Variants in GANC observed in about 807,000 individuals in gnomAD.
GANC encodes glucosidase alpha, neutral C.
In GANC, 117 loss-of-function variants were observed where a neutral mutation model predicts 124.2. That is an observed-to-expected ratio of 0.94 (90% CI 0.81 to 1.10). The LOEUF (loss-of-function observed/expected upper bound fraction) is 1.10. GANC is among the 50% of genes least tolerant of loss of function. The probability of loss-of-function intolerance (pLI) is 0.00; values close to 1 mark genes in which losing one functional copy is unlikely to be tolerated. For missense variants in GANC, 1,140 were observed against 1,095.0 expected (o/e 1.04, Z -0.58); for synonymous variants, 377 against 376.8 (o/e 1.00, Z -0.01).
chr15:42,276,344 T>G lies in GANC; in HGVS notation c.30-4T>G, dbSNP rs1327418432. 2 of 1,337,310 alleles carry G rather than the reference T, an allele frequency of 1.5e-6. No individual in the cohort carries two copies. Among genetic ancestry groups the G allele is most frequent in the Middle Eastern group, 1.8e-4 (1 of 5,424 alleles). 82.8% of individuals were successfully genotyped at this position (1,337,310 alleles called of 1,614,324 possible). On this transcript the variant is annotated splice_polypyrimidine_tract_variant and splice_region_variant and intron_variant, in intron 1 of 23. Transcript: ENST00000318010. ...TAAATTTCTCAAAATGTCTTTTTAT[T>G]TAGTCTTGAAGATGAAGCTGTAGAT...
In GANC at chr15:42,333,572, A is replaced by G. The variant is rs370796036; in HGVS notation, c.1741+2900A>G. Among the ~76,000 whole-genome samples the G allele has an allele frequency of 1.5e-4, 23 of 152,318 alleles. No individual in the cohort carries two copies. The East Asian group carries it at 4.1e-3, about 27-fold the overall frequency. Reference sequence around the variant, plus strand: ...GAACAAGAACACTGGCTTAGGCATCAGAGTGCCTGGGCTCAAATCCTGCCT... The same window carrying G: ...GAACAAGAACACTGGCTTAGGCATCGGAGTGCCTGGGCTCAAATCCTGCCT... On this transcript the variant is annotated intron_variant, in intron 15 of 23. Transcript: ENST00000318010.
intron 10 of GANC, among the ~76,000 whole-genome samples, chr15:42,317,308 A>G (rs1486730290): frequency 6.6e-6 from 1 of 152,226 alleles, no homozygotes; most frequent in Admixed American, 6.5e-5. Flanking sequence ...GAAATAAGAC[A>G]CGAAAGGACA....
rs79004308 is a variant in GANC, at chr15:42,348,104, T to G, written c.2306T>G (p.Ile769Ser). ...CCTGAGCGTGCTGCTCTGTTACAGA[T>G]TCCAGTGTTTCAGCGAGGTGGAAGT... ...TVKIPVALDT[I>S]PVFQRGGSVI... is the part of the protein sequence containing the mutation. The change falls in exon 21 of 24, where the codon ATT becomes AGT. Residue 769 changes from isoleucine (I) to serine (S), a missense_variant and splice_region_variant. Physicochemically the swap from Ile to Ser is moderately radical, Grantham distance 142. Coordinates refer to ENST00000318010, the MANE Select transcript of GANC (RefSeq NM_198141.3). 18 of 1,591,784 alleles carry G rather than the reference T, an allele frequency of 1.1e-5. No individual in the cohort carries two copies. The highest frequency in any genetic ancestry group is 2.3e-5 in the East Asian group (1 of 44,406).
rs113164097 is a variant in GANC at position 42,281,266 on chromosome 15, G to A, written c.201+2676G>A. 6.9e-3 allele frequency: 4,293 copies of A among 620,494 alleles called. 43 individuals are homozygous for A. The highest frequency in any genetic ancestry group is 0.028 in the Middle Eastern group (76 of 2,732). 38.4% of individuals were successfully genotyped at this position (620,494 alleles called of 1,614,324 possible). On this transcript the variant is annotated intron_variant, in intron 3 of 23. Coordinates refer to ENST00000318010, the MANE Select transcript of GANC (RefSeq NM_198141.3). ...CATTTTAATGTCCTCCTTGTCATGT[G>A]GTGTTGAGATGACTAGTAGGTACAT...
rs772076206 is a variant in GANC at position 42,352,151 on chromosome 15, C to A, written c.*12C>A. 6.2e-7 allele frequency: 1 copy of A among 1,614,020 alleles called. No individual in the cohort carries two copies. The highest frequency in any genetic ancestry group is 8.5e-7 in the Non-Finnish European group (1 of 1,179,960). On this transcript the variant is annotated 3_prime_UTR_variant, in exon 24 of 24. Transcript: ENST00000318010. ...TCCGCATCATATGACAAAGAACTGC[C>A]CCTGGTGATGTGAGCAGGGACCTGC...
chr15:42,317,514 A>C (rs1227092203), intron 10 of GANC, among the ~76,000 whole-genome samples: 1 of 151,982 alleles, frequency 6.6e-6, no homozygotes, highest in Non-Finnish European at 1.5e-5. Context: ...AATGCCATTG[A>C]ATTGGACACT....
At chr15:42,350,594 C>G (rs1358930619) in intron 22 of GANC, among the ~76,000 whole-genome samples, 9 of 148,450 alleles carry the variant, frequency 6.1e-5, no homozygotes, top group Non-Finnish European at 1.3e-4. Context: ...CTCTTGTCGC[C>G]CAGGCTGGAG....
chr15:42,312,752 A>G (rs770995342), intron 10 of GANC, among the ~76,000 whole-genome samples: 1 of 152,176 alleles, frequency 6.6e-6, no homozygotes, highest in Non-Finnish European at 1.5e-5. Flanking sequence ...CAGCCTGACC[A>G]ACATGGCGAA....
intron 8 of GANC, 67 bp from the exon 9 acceptor site, chr15:42,310,216 G>T: frequency 8.3e-7 from 1 of 1,200,316 alleles, no homozygotes; most frequent in Non-Finnish European, 1.2e-6. Context: ...GAAGAGTAGA[G>T]CTGTTCTATT....
At chr15:42,342,750 A>G (rs1430211936) in intron 18 of GANC, among the ~76,000 whole-genome samples, 1 of 152,196 alleles carries the variant, frequency 6.6e-6, no homozygotes, top group East Asian at 1.9e-4. Flanking sequence ...GAAAGGAGCA[A>G]TGGGGGTGCT....
chr15:42,349,443 A>G lies in GANC; in HGVS notation c.2479A>G (p.Lys827Glu), dbSNP rs2052401719. 1 of 1,613,830 alleles carries G rather than the reference A, an allele frequency of 6.2e-7. No individual in the cohort carries two copies. The highest frequency in any genetic ancestry group is 1.1e-5 in the South Asian group (1 of 91,076). ...CCATTCATTCCAATACCTCCACCAG[A>G]AGCAATTTTTGCACAGGAAGTTTTC... is the stretch of plus-strand genomic sequence containing the variant. ...DGHSFQYLHQKQFLHRKFSFC... is the reference protein window; with the variant it reads ...DGHSFQYLHQEQFLHRKFSFC... The change falls in exon 22 of 24, where the codon AAG becomes GAG. Residue 827 changes from lysine (K) to glutamate (E), a missense_variant. Transcript: ENST00000318010.
chr15:42,275,912 A>G (rs1298562721), intron 1 of GANC, among the ~76,000 whole-genome samples: 1 of 152,206 alleles, frequency 6.6e-6, no homozygotes, highest in Admixed American at 6.5e-5. Flanking sequence ...CTCAGGAAGA[A>G]TATTCTGAAA....
At chr15:42,276,671 C>T (rs1176661706) in intron 2 of GANC, among the ~76,000 whole-genome samples, 1 of 152,062 alleles carries the variant, frequency 6.6e-6, no homozygotes, top group Non-Finnish European at 1.5e-5. Flanking sequence ...GAATAGATAA[C>T]ACTTTTACAT....
At chr15:42,343,839 C>T (rs2052344908) in intron 19 of GANC, among the ~76,000 whole-genome samples, 1 of 152,066 alleles carries the variant, frequency 6.6e-6, no homozygotes, top group South Asian at 2.1e-4. Context: ...TGGAGCAAAA[C>T]TCAGGTCACC....
At chr15:42,342,619 C>T (rs2141076775) in intron 18 of GANC, among the ~76,000 whole-genome samples, 1 of 152,120 alleles carries the variant, frequency 6.6e-6, no homozygotes, top group Middle Eastern at 3.4e-3. Flanking sequence ...AAGAAAACTG[C>T]AGCCTCTCTG....
In GANC at chr15:42,330,640, C is replaced by A. The variant is rs747033716; in HGVS notation, c.1709C>A (p.Thr570Lys). The change falls in exon 15 of 24, where the codon ACA (threonine) becomes AAA (lysine). Residue 570 changes from threonine to lysine, a missense_variant. Physicochemically the swap from Thr to Lys is moderately conservative, Grantham distance 78. Coordinates refer to ENST00000318010, the MANE Select transcript of GANC (RefSeq NM_198141.3). The part of the protein sequence containing the change: ...SKGKERPFVL[T>K]RSFFAGSQKY... The stretch of plus-strand genomic sequence containing the variant: ...GGGAAGGAGAGACCCTTTGTTCTTA[C>A]ACGTTCTTTCTTTGCTGGATCACAA... 1 of 1,609,454 alleles carries A rather than the reference C, an allele frequency of 6.2e-7. No individual in the cohort carries two copies. The highest frequency in any genetic ancestry group is 1.3e-5 in the African/African-American group (1 of 74,684).
At chr15:42,296,909 T>C (rs1382979041) in intron 5 of GANC, among the ~76,000 whole-genome samples, 1 of 151,390 alleles carries the variant, frequency 6.6e-6, no homozygotes, top group Non-Finnish European at 1.5e-5. Context: ...TGTATAAAAG[T>C]TAGCCTACAT....
At chr15:42,303,679 A>AAAAG (rs1422120619) in intron 6 of GANC, among the ~76,000 whole-genome samples, 4 of 151,328 alleles carry the variant, frequency 2.6e-5, no homozygotes, top group Non-Finnish European at 4.4e-5. Flanking sequence ...AGAAAAAAAA[A>AAAAG]AAAAAAGAAA....
intron 5 of GANC, among the ~76,000 whole-genome samples, chr15:42,294,135 C>G (rs1220833361): frequency 6.6e-6 from 1 of 151,480 alleles, no homozygotes; most frequent in Non-Finnish European, 1.5e-5. Flanking sequence ...TGTTTTCTTT[C>G]CTATCTAAGT....
Sources: allele counts gnomAD v4.1 joint callset (sites outside exome capture counted in the v4.1 genomes callset), GRCh38; gene constraint gnomAD v4.1.1; transcripts MANE v1.5; gene names NCBI Gene and HGNC (gene_info 2026-07-23, HGNC 2026-07-21).